Variants in DNAJC17 observed in about 807,000 individuals in gnomAD.
DNAJC17 encodes the protein dnaJ homolog subfamily C member 17.
Under a neutral mutation model 48.1 loss-of-function variants are expected in DNAJC17, and 35 were observed. The ratio of observed to expected loss-of-function variants is 0.73; its 90% CI spans 0.56 to 0.96. The LOEUF (loss-of-function observed/expected upper bound fraction) is 0.96. DNAJC17 is among the 50% of genes least tolerant of loss of function. DNAJC17 has a pLI of 0.00. For missense variants in DNAJC17, 355 were observed against 377.1 expected (o/e 0.94, Z 0.48); for synonymous variants, 117 against 142.7 (o/e 0.82, Z 1.28).
At position 40,770,484 on chromosome 15, in the gene DNAJC17, C is replaced by A. The variant is rs1483411016; in HGVS notation, c.793-2422G>T. 3 of 1,544,096 alleles carry A rather than the reference C, an allele frequency of 1.9e-6. No individual in the cohort carries two copies. The highest frequency in any genetic ancestry group is 2.6e-6 in the Non-Finnish European group (3 of 1,144,096). ...GCTCCTGAACACCTGTCTGCTGGCT[C>A]CCCTGGGCCCCATGGAGACCTGGCG... is the stretch of plus-strand genomic sequence containing the variant. On this transcript the variant is annotated intron_variant, in intron 10 of 10. Transcript: ENST00000220496. This position sits in a 1 kb window ranked among gnomAD's most constrained non-coding sequence, Gnocchi z 5.0.
intron 1 of DNAJC17, among the ~76,000 whole-genome samples, chr15:40,804,414 GA>G (rs113627118): frequency 1.0e-3 from 137 of 136,098 alleles, no homozygotes; most frequent in East Asian, 4.3e-3. Context: ...CCCGTCTCTG[GA>G]AAAAAAAAAA....
At chr15:40,791,744 C>T (rs1596093057) in intron 1 of DNAJC17, among the ~76,000 whole-genome samples, 1 of 152,054 alleles carries the variant, frequency 6.6e-6, no homozygotes, top group East Asian at 1.9e-4. Flanking sequence ...ACTGGGGAGG[C>T]TGAGGCAGGA....
intron 9 of DNAJC17, 124 bp from the exon 10 acceptor site, chr15:40,773,961 A>G: frequency 1.2e-6 from 1 of 833,414 alleles, no homozygotes; most frequent in Non-Finnish European, 1.9e-6. Flanking sequence ...CAACCTCAGC[A>G]GCCTTCAAGT....
chr15:40,774,525 C>A, intron 8 of DNAJC17, 89 bp from the exon 9 acceptor site: 1 of 1,406,244 alleles, frequency 7.1e-7, no homozygotes, highest in South Asian at 1.2e-5. Flanking sequence ...TACCTTGAGG[C>A]CCATGGGGCA....
At chr15:40,790,295 C>T (rs1034832879) in intron 1 of DNAJC17, among the ~76,000 whole-genome samples, 3 of 152,190 alleles carry the variant, frequency 2.0e-5, no homozygotes, top group East Asian at 1.9e-4. Flanking sequence ...AGGTGTGGGC[C>T]GGGCGCAGAG....
At chr15:40,778,988 G>T in intron 4 of DNAJC17, 1 of 546,498 alleles carries the variant, frequency 1.8e-6, no homozygotes. Flanking sequence ...GTATAGTTAT[G>T]ATAATTAAAG....
chr15:40,781,815 G>A (rs182977208), intron 1 of DNAJC17, among the ~76,000 whole-genome samples: 138 of 151,904 alleles, frequency 9.1e-4, no homozygotes, highest in African/African-American at 3.2e-3. Flanking sequence ...CCAGCTACTC[G>A]AGAGGCTGAG....
rs747454578 is a variant in DNAJC17 at position 40,770,754 on chromosome 15, CGA to C, written c.793-2694_793-2693del. 7 of 1,545,818 alleles carry C rather than the reference CGA, an allele frequency of 4.5e-6. No homozygotes were observed. Among genetic ancestry groups the C allele is most frequent in the Non-Finnish European group, 4.4e-6 (5 of 1,146,948 alleles). ...CCCACCCAAGCCCCCACGCCTCTAC[CGA>C]GAGAGCTCAAGCTGCCCCAACATCC... On this transcript the variant is annotated intron_variant, in intron 10 of 10. Coordinates refer to ENST00000220496, the MANE Select transcript of DNAJC17 (RefSeq NM_018163.3). This position sits in a 1 kb window ranked among gnomAD's most constrained non-coding sequence, Gnocchi z 5.0.
At chr15:40,782,689 A>G (rs1889535746) in intron 1 of DNAJC17, among the ~76,000 whole-genome samples, 1 of 152,086 alleles carries the variant, frequency 6.6e-6, no homozygotes, top group Non-Finnish European at 1.5e-5. Flanking sequence ...TCTACACCCA[A>G]GTGTGCTAAA....
intron 3 of DNAJC17, 50 bp downstream of exon 3, chr15:40,779,495 A>G: frequency 1.2e-6 from 2 of 1,608,060 alleles, no homozygotes; most frequent in Non-Finnish European, 1.7e-6. Flanking sequence ...GAGAGGCAGC[A>G]GTGGTCTCTA....
In DNAJC17 at chr15:40,796,920, G is replaced by T. The variant is rs1465880594; in HGVS notation, c.78+10449C>A. On this transcript the variant is annotated intron_variant, in intron 1 of 10. Transcript: ENST00000220496. ...GACTACGGGCGTGCGCCACCACAAT[G>T]AGCTAATTTTTTCTTTTTTTTTCCT... Among the ~76,000 whole-genome samples the T allele has an allele frequency of 3.3e-5, 5 of 152,078 alleles. No homozygotes were observed. In the East Asian group the frequency reaches 9.7e-4, roughly 29 times the overall value.
intron 1 of DNAJC17, among the ~76,000 whole-genome samples, chr15:40,782,239 A>C (rs1889521880): frequency 6.6e-6 from 1 of 151,782 alleles, no homozygotes; most frequent in Non-Finnish European, 1.5e-5. Context: ...AAAAATAAAA[A>C]AATTTTAAAT....
At chr15:40,784,087 C>T (rs958486342) in intron 1 of DNAJC17, among the ~76,000 whole-genome samples, 2 of 151,298 alleles carry the variant, frequency 1.3e-5, no homozygotes, top group East Asian at 1.9e-4. Context: ...ATTAGCTGGG[C>T]GTGGTGGCAC....
rs1048422099 is a variant in DNAJC17, at chr15:40,765,583, G to C, written c.*2357C>G. On this transcript the variant is annotated 3_prime_UTR_variant, in exon 11 of 11. Transcript: ENST00000220496. ...CCTCAGTAGCTGGAACTATAGGCTCGTGATACTTTGCCTGGCTAAAGCTGA... is the reference window on the plus strand; with the variant it reads ...CCTCAGTAGCTGGAACTATAGGCTCCTGATACTTTGCCTGGCTAAAGCTGA... The C allele has an allele frequency of 1.8e-5, 6 of 325,092 alleles. No homozygotes were observed. Among genetic ancestry groups the C allele is most frequent in the Non-Finnish European group, 2.8e-5 (5 of 179,366 alleles). The allele number at this position is 325,092 out of a possible 1,614,324, so 20.1% of individuals were successfully genotyped here.
chr15:40,779,319 A>T lies in DNAJC17; in HGVS notation c.208-9T>A, dbSNP rs946564715. On this transcript the variant is annotated splice_polypyrimidine_tract_variant and intron_variant, in intron 3 of 10. Coordinates refer to ENST00000220496, the MANE Select transcript of DNAJC17 (RefSeq NM_018163.3). ...ACCTTGTCATATGCAGCCTGGCAGG[A>T]GAAAGGGGCACAGGGCAGAGGGTCA... The T allele has an allele frequency of 1.2e-6, 2 of 1,613,926 alleles. No individual in the cohort carries two copies. Among genetic ancestry groups the T allele is most frequent in the Non-Finnish European group, 1.7e-6 (2 of 1,179,996 alleles).
chr15:40,800,192 C>T (rs1333282312), intron 1 of DNAJC17, among the ~76,000 whole-genome samples: 1 of 152,138 alleles, frequency 6.6e-6, no homozygotes, highest in East Asian at 1.9e-4. Flanking sequence ...CCTGCCTCCT[C>T]GAGTACATGA....
intron 4 of DNAJC17, among the ~76,000 whole-genome samples, chr15:40,778,716 CTTGAGGCCAGGAGT>C (rs1404564189): frequency 6.6e-6 from 1 of 152,098 alleles, no homozygotes; most frequent in Non-Finnish European, 1.5e-5. Flanking sequence ...AGGTGGATAG[CTTGAGGCCAGGAGT>C]TTAAGACCAG....
chr15:40,781,357 G>A (rs4324096), intron 1 of DNAJC17, among the ~76,000 whole-genome samples: 64,756 of 150,422 alleles, frequency 0.43, 14,350 homozygotes, highest in Middle Eastern at 0.57. Context: ...AAAATTAGCC[G>A]GGCATGGTGG....
Position 40,792,439 on chromosome 15 carries a change from C to T in DNAJC17, c.79-12442G>A. The T allele has an allele frequency of 3.1e-6, 3 of 983,334 alleles. 1 individual carries two copies. Among genetic ancestry groups the T allele is most frequent in the South Asian group, 9.4e-5 (2 of 21,238 alleles). 60.9% of individuals were successfully genotyped at this position (983,334 alleles called of 1,614,324 possible). A position where few individuals can be genotyped will look rare whatever the true frequency, so the allele number is the denominator to read the frequency against. On this transcript the variant is annotated intron_variant, in intron 1 of 10. Transcript: ENST00000220496. The stretch of plus-strand genomic sequence containing the variant: ...AAATGCATTTTCAAACATCTGGCTT[C>T]CCCAGGTAATTACCTGCCAAGATGA...
Sources: gnomAD v4.1 joint callset for allele counts (sites outside exome capture counted in the v4.1 genomes callset) on GRCh38, gnomAD v4.1.1 for gene constraint, Gnocchi (gnomAD v3.1) non-coding constraint, MANE v1.5 for transcripts, NCBI Gene and HGNC (gene_info 2026-07-23, HGNC 2026-07-21) for gene names.